Variants in CCDC60 observed in about 807,000 individuals in gnomAD.
The protein encoded by CCDC60 is coiled-coil domain containing 60, also known as coiled-coil domain-containing protein 60.
In CCDC60, 54 loss-of-function variants were observed where a neutral mutation model predicts 63.5. That is an observed-to-expected ratio of 0.85 (90% CI 0.68 to 1.07). The LOEUF (loss-of-function observed/expected upper bound fraction) is 1.07. Ranked by LOEUF, CCDC60 falls within the 50% of genes least tolerant of loss-of-function variation. The pLI is 0.00. For synonymous variants in CCDC60, 206 were observed against 238.8 expected, an observed-to-expected ratio of 0.86 and a Z score of 1.27; for missense variants, 651 against 684.3, an observed-to-expected ratio of 0.95 and a Z score of 0.54.
intron 4 of CCDC60, among the ~76,000 whole-genome samples, chr12:119,480,904 A>T (rs1213795113): frequency 6.7e-6 from 1 of 149,508 alleles, no homozygotes; most frequent in Non-Finnish European, 1.5e-5. Context: ...CATCACCACC[A>T]TCCTCACCAT....
intron 2 of CCDC60, among the ~76,000 whole-genome samples, chr12:119,471,073 C>T (rs1298640840): frequency 6.6e-6 from 1 of 152,148 alleles, no homozygotes; most frequent in African/African-American, 2.4e-5. Flanking sequence ...ATGTAGACAC[C>T]TCTGCATCAC....
At chr12:119,523,659 C>T (rs769642052) in intron 10 of CCDC60, 34 bp from the exon 11 acceptor site, 21 of 1,611,804 alleles carry the variant, frequency 1.3e-5, no homozygotes, top group Admixed American at 3.3e-5. Context: ...TCCCTGGGCT[C>T]CATTCCCCAA....
chr12:119,388,164 G>A (rs1956092070), intron 1 of CCDC60: 1 of 152,166 alleles, frequency 6.6e-6, no homozygotes, highest in Non-Finnish European at 1.5e-5. Context: ...GAGATCACAT[G>A]ATGGCTGGAG....
intron 1 of CCDC60, among the ~76,000 whole-genome samples, chr12:119,347,111 C>T (rs999036596): frequency 1.3e-5 from 2 of 152,024 alleles, no homozygotes; most frequent in African/African-American, 2.4e-5. Flanking sequence ...TCATAAGCCA[C>T]GTGCCCGGCC....
At chr12:119,515,335 T>C (rs1230380084) in intron 7 of CCDC60, among the ~76,000 whole-genome samples, 1 of 152,198 alleles carries the variant, frequency 6.6e-6, no homozygotes, top group African/African-American at 2.4e-5. Context: ...ATTCTTTTTT[T>C]CTGAGACAAG....
At chr12:119,424,831 G>C (rs1956873963) in intron 1 of CCDC60, among the ~76,000 whole-genome samples, 1 of 152,062 alleles carries the variant, frequency 6.6e-6, no homozygotes, top group Non-Finnish European at 1.5e-5. Flanking sequence ...TGACAGAAAT[G>C]GTTTCCTGAG....
chr12:119,507,457 T>C (rs543904848), intron 7 of CCDC60, among the ~76,000 whole-genome samples: 3 of 146,702 alleles, frequency 2.0e-5, no homozygotes, highest in South Asian at 2.1e-4. Context: ...TATATACATA[T>C]ATACACATAC....
intron 13 of CCDC60, among the ~76,000 whole-genome samples, chr12:119,537,106 A>G (rs1308858636): frequency 6.6e-6 from 1 of 151,940 alleles, no homozygotes; most frequent in African/African-American, 2.4e-5. Flanking sequence ...GGCTTTGTTC[A>G]TTTCTTTTTA....
chr12:119,385,379 G>A (rs1246572914), intron 1 of CCDC60, among the ~76,000 whole-genome samples: 1 of 152,170 alleles, frequency 6.6e-6, no homozygotes, highest in African/African-American at 2.4e-5. Context: ...CGTATGTGGT[G>A]GGAGGGACTT....
At chr12:119,520,515 A>G (rs1409643552) in intron 9 of CCDC60, among the ~76,000 whole-genome samples, 1 of 150,572 alleles carries the variant, frequency 6.6e-6, no homozygotes, top group Admixed American at 6.6e-5. Flanking sequence ...ATCTTACCCC[A>G]ATTTATTTGT....
At chr12:119,444,888 C>T (rs1366128276) in intron 2 of CCDC60, among the ~76,000 whole-genome samples, 3 of 152,090 alleles carry the variant, frequency 2.0e-5, no homozygotes, top group African/African-American at 4.8e-5. Context: ...GATTTTCTGG[C>T]CCTTTCTTGC....
intron 5 of CCDC60, among the ~76,000 whole-genome samples, chr12:119,499,041 A>G (rs1227652846): frequency 3.9e-5 from 6 of 152,222 alleles, no homozygotes; most frequent in African/African-American, 1.2e-4. Flanking sequence ...GTAAATATCC[A>G]TGTGTTTCAT....
intron 1 of CCDC60, among the ~76,000 whole-genome samples, chr12:119,360,161 G>T (rs1246810812): frequency 1.3e-5 from 2 of 150,422 alleles, no homozygotes; most frequent in South Asian, 4.2e-4. Flanking sequence ...CCGGGCGGGG[G>T]GCTGACCCCC....
chr12:119,385,964 A>G (rs1268732472), intron 1 of CCDC60, among the ~76,000 whole-genome samples: 1 of 152,154 alleles, frequency 6.6e-6, no homozygotes, highest in Non-Finnish European at 1.5e-5. Context: ...TGAGTGCACC[A>G]TCTCTTTCCT....
At chr12:119,428,615 G>A (rs1423269014) in intron 1 of CCDC60, 68 bp from the exon 2 acceptor site, 14 of 1,080,798 alleles carry the variant, frequency 1.3e-5, no homozygotes, top group Admixed American at 2.0e-5. Flanking sequence ...TGAGCCTCCT[G>A]TGCCTATCTC....
At chr12:119,363,441 GT>G (rs1955811566) in intron 1 of CCDC60, among the ~76,000 whole-genome samples, 1 of 152,106 alleles carries the variant, frequency 6.6e-6, no homozygotes, top group African/African-American at 2.4e-5. Context: ...GTGTGTGTGT[GT>G]GTGTATTCAC....
chr12:119,534,948 G>A (rs1952961493), intron 13 of CCDC60, among the ~76,000 whole-genome samples: 1 of 152,170 alleles, frequency 6.6e-6, no homozygotes, highest in African/African-American at 2.4e-5. Context: ...AGTTGGGGAG[G>A]ATTCCCTCTT....
At chr12:119,484,721 TA>T (rs974214311) in intron 4 of CCDC60, among the ~76,000 whole-genome samples, 5 of 150,272 alleles carry the variant, frequency 3.3e-5, no homozygotes, top group African/African-American at 7.3e-5. Flanking sequence ...TCAAAAAAAA[TA>T]AAAAAAAAGA....
chr12:119,419,691 T>C (rs1208261931), intron 1 of CCDC60, among the ~76,000 whole-genome samples: 1 of 151,994 alleles, frequency 6.6e-6, no homozygotes, highest in Non-Finnish European at 1.5e-5. Flanking sequence ...CAGGGATCAT[T>C]GTTCCTTCTC....
Sources: gnomAD v4.1 joint callset for allele counts (sites outside exome capture counted in the v4.1 genomes callset) on GRCh38, gnomAD v4.1.1 for gene constraint, MANE v1.5 for transcripts, NCBI Gene and HGNC (gene_info 2026-07-23, HGNC 2026-07-21) for gene names.